Variants in ANKAR observed in about 807,000 individuals in gnomAD.
ANKAR encodes ankyrin and armadillo repeat-containing protein.
Under a neutral mutation model 146.2 loss-of-function variants are expected in ANKAR, and 136 were observed. That is an observed-to-expected ratio of 0.93 (90% CI 0.81 to 1.07). ANKAR has a LOEUF of 1.07. ANKAR is among the 50% of genes least tolerant of loss of function. The pLI, the probability that ANKAR is intolerant of heterozygous loss-of-function variation, is 0.00. For missense variants in ANKAR, 1,567 were observed against 1,679.9 expected, an observed-to-expected ratio of 0.93 and a Z score of 1.18; for synonymous variants, 500 against 575.8, an observed-to-expected ratio of 0.87 and a Z score of 1.88.
At chr2:189,691,347 C>T (rs113601923) in intron 3 of ANKAR, among the ~76,000 whole-genome samples, 5 of 152,158 alleles carry the variant, frequency 3.3e-5, no homozygotes, top group Non-Finnish European at 5.9e-5. Flanking sequence ...TGAGCCGCCG[C>T]GCCCGGGAGA....
intron 10 of ANKAR, among the ~76,000 whole-genome samples, chr2:189,716,296 TAGACAAACAGAG>T (rs1352905535): frequency 6.6e-6 from 1 of 152,076 alleles, no homozygotes; most frequent in African/African-American, 2.4e-5. Flanking sequence ...ACACCAATAA[TAGACAAACAGAG>T]AGCCAAATCA....
At position 189,743,333 on chromosome 2, in the gene ANKAR, G is replaced by T. The variant is rs754505723; in HGVS notation, c.3869G>T (p.Arg1290Leu). The change falls in exon 21 of 23, where the codon CGC becomes CTC. Residue 1290 changes from arginine to leucine, a missense_variant. Coordinates refer to ENST00000684021, the MANE Select transcript of ANKAR (RefSeq NM_001378068.1). ...GYLTYNANAFRILLKECRNKP... is the reference protein window; with the variant it reads ...GYLTYNANAFLILLKECRNKP... ...TTAACATACAATGCAAATGCTTTCC[G>T]CATCCTATTAAAAGAATGCAGGAAT... The T allele has an allele frequency of 6.2e-7, 1 of 1,613,884 alleles. No homozygotes were observed. The highest frequency in any genetic ancestry group is 8.5e-7 in the Non-Finnish European group (1 of 1,179,950).
chr2:189,710,944 G>A, intron 9 of ANKAR, 105 bp from the exon 10 acceptor site: 2 of 861,926 alleles, frequency 2.3e-6, no homozygotes, highest in South Asian at 1.6e-5. Context: ...TAATAGTGGT[G>A]ACCTCAACTG....
At position 189,728,093 on chromosome 2, in the gene ANKAR, T is replaced by C; in HGVS notation, c.2873T>C (p.Leu958Pro). 6.2e-7 allele frequency: 1 copy of C among 1,602,876 alleles called. No individual in the cohort carries two copies. The highest frequency in any genetic ancestry group is 2.2e-5 in the East Asian group (1 of 44,742). ...TTAACTAAATATCTTTTAAAACTCC[T>C]AAAGGTAGGAATTTTATGATTACTG... ...KSLTKYLLKL[L>P]KAFQIDVKEQ... The change falls in exon 13 of 23, where the codon CTA (leucine) becomes CCA (proline). Residue 958 changes from leucine (L) to proline (P), a missense_variant. Leu to Pro is a moderately conservative substitution (Grantham distance 98). Coordinates refer to ENST00000684021, the MANE Select transcript of ANKAR (RefSeq NM_001378068.1).
At chr2:189,727,776 G>T (rs776806349) in intron 12 of ANKAR, 80 bp from the exon 13 acceptor site, 3 of 1,456,302 alleles carry the variant, frequency 2.1e-6, no homozygotes, top group East Asian at 4.7e-5. Flanking sequence ...TTTATAATAT[G>T]GGAAACTAAT....
intron 9 of ANKAR, 103 bp downstream of exon 9, chr2:189,707,249 A>T: frequency 1.9e-6 from 1 of 530,846 alleles, no homozygotes; most frequent in Non-Finnish European, 3.0e-6. Flanking sequence ...TTATATTTTA[A>T]ATATTTAAAA....
intron 4 of ANKAR, 96 bp downstream of exon 4, chr2:189,692,514 A>T: frequency 9.4e-7 from 1 of 1,060,640 alleles, no homozygotes; most frequent in Non-Finnish European, 1.3e-6. Context: ...GGCACTCGAC[A>T]GCTCTCCAAA....
chr2:189,720,920 T>C, intron 12 of ANKAR, 133 bp downstream of exon 12: 1 of 632,088 alleles, frequency 1.6e-6, no homozygotes, highest in African/African-American at 1.9e-5. Context: ...TAATATAACC[T>C]TAATATCCAA....
intron 20 of ANKAR, 140 bp downstream of exon 20, chr2:189,741,591 A>G: frequency 4.0e-6 from 2 of 496,206 alleles, no homozygotes; most frequent in Non-Finnish European, 7.0e-6. Flanking sequence ...AAATTACATG[A>G]CTGTGTTATA....
rs981398402 is a variant in ANKAR, at chr2:189,711,092, C to G, written c.2163C>G (p.Val721=). 1 of 1,614,068 alleles carries G rather than the reference C, an allele frequency of 6.2e-7. No homozygotes were observed. The highest frequency in any genetic ancestry group is 1.7e-4 in the Middle Eastern group (1 of 6,058). ...GCTATAAACGAAGGATGATGGCCGT[C>G]ATGTCCTTGGAAGTAATTTGCTTAG... The part of the protein sequence containing the change: ...CESYKRRMMA[V]MSLEVICLAN... Residue 721 remains valine (V), a synonymous_variant, in exon 10 of 23, where the codon GTC becomes GTG. Transcript: ENST00000684021.
downstream of ANKAR, chr2:189,762,641 G>A: frequency 1.0e-6 from 1 of 985,440 alleles, no homozygotes; most frequent in Non-Finnish European, 1.2e-6. Flanking sequence ...TTTTCCAGGT[G>A]CGCAAAAGCG....
chr2:189,678,306 ATTTG>A (rs749243385), intron 2 of ANKAR, among the ~76,000 whole-genome samples: 14 of 151,940 alleles, frequency 9.2e-5, no homozygotes, highest in African/African-American at 1.4e-4. Context: ...TTTCTTGCTA[ATTTG>A]TTTGAGTTCC....
chr2:189,687,610 C>G (rs2035805584), intron 2 of ANKAR, among the ~76,000 whole-genome samples: 1 of 152,188 alleles, frequency 6.6e-6, no homozygotes, highest in African/African-American at 2.4e-5. Flanking sequence ...TTCTCCACAT[C>G]CTGCCAGCAT....
intron 2 of ANKAR, among the ~76,000 whole-genome samples, chr2:189,688,346 G>T (rs1473063114): frequency 6.6e-6 from 1 of 152,146 alleles, no homozygotes; most frequent in Non-Finnish European, 1.5e-5. Flanking sequence ...GTACGATGCA[G>T]TTTGGGTGAC....
intron 8 of ANKAR, among the ~76,000 whole-genome samples, chr2:189,706,313 G>A (rs2038939575): frequency 1.3e-5 from 2 of 151,984 alleles, no homozygotes; most frequent in African/African-American, 4.8e-5. Flanking sequence ...CTTGAACCGA[G>A]AGGCAGAGCC....
In ANKAR at chr2:189,743,332, C is replaced by T. The variant is rs374926234; in HGVS notation, c.3868C>T (p.Arg1290Cys). 32 of 1,613,926 alleles carry T rather than the reference C, an allele frequency of 2.0e-5. No homozygotes were observed. The highest frequency in any genetic ancestry group is 1.1e-4 in the East Asian group (5 of 44,858). The part of the protein sequence containing the change: ...GYLTYNANAF[R>C]ILLKECRNKP... ...CTTAACATACAATGCAAATGCTTTC[C>T]GCATCCTATTAAAAGAATGCAGGAA... is the stretch of plus-strand genomic sequence containing the variant. Residue 1290 changes from arginine to cysteine, a missense_variant, in exon 21 of 23, where the codon CGC (arginine) becomes TGC (cysteine). Arg to Cys is a radical substitution (Grantham distance 180, BLOSUM62 -3). Transcript: ENST00000684021.
chr2:189,711,484 T>A (rs956795209), intron 10 of ANKAR, among the ~76,000 whole-genome samples: 26 of 152,230 alleles, frequency 1.7e-4, no homozygotes, highest in African/African-American at 6.0e-4. Flanking sequence ...TTCTGTAATT[T>A]GCACAATTTA....
intron 12 of ANKAR, among the ~76,000 whole-genome samples, chr2:189,724,631 C>A (rs772781800): frequency 3.3e-4 from 50 of 152,102 alleles, no homozygotes; most frequent in Non-Finnish European, 5.7e-4. Context: ...ATAACATACT[C>A]ATAACAATAA....
chr2:189,692,106 T>TTTTATATATACAATAACAGCATA, intron 3 of ANKAR, 149 bp from the exon 4 acceptor site: 1 of 623,688 alleles, frequency 1.6e-6, no homozygotes, highest in Non-Finnish European at 2.7e-6. Context: ...ATTAACAGCA[T>TTTTATATATACAATAACAGCATA]AAATAATTTT....
Sources: gnomAD v4.1 joint callset for allele counts (sites outside exome capture counted in the v4.1 genomes callset) on GRCh38, gnomAD v4.1.1 for gene constraint, MANE v1.5 for transcripts, NCBI Gene and HGNC (gene_info 2026-07-23, HGNC 2026-07-21) for gene names.